The following LRP1B variants were observed in gnomAD, a reference collection of about 807,000 sequenced individuals.
The protein encoded by LRP1B is LDL receptor related protein 1B, also known as low-density lipoprotein receptor-related protein 1B.
Under a neutral mutation model 556.6 loss-of-function variants are expected in LRP1B, and 217 were observed. The ratio of observed to expected loss-of-function variants is 0.39; its 90% CI spans 0.35 to 0.44. The LOEUF is 0.44. LRP1B is among the 20% of genes least tolerant of loss of function. LRP1B has a pLI of 1.00. For missense variants in LRP1B, 5,053 were observed against 5,620.8 expected, an observed-to-expected ratio of 0.90 and a Z score of 3.23; for synonymous variants, 2,047 against 1,865.8, an observed-to-expected ratio of 1.10 and a Z score of -2.50.
intron 3 of LRP1B, among the ~76,000 whole-genome samples, chr2:141,374,324 C>T (rs1689347794): frequency 6.6e-6 from 1 of 152,140 alleles, no homozygotes; most frequent in South Asian, 2.1e-4. Flanking sequence ...TTCACTTTAA[C>T]TTTTGACATT....
intron 2 of LRP1B, among the ~76,000 whole-genome samples, chr2:141,543,518 CAAA>C (rs377085694): frequency 2.2e-5 from 2 of 91,276 alleles, no homozygotes; most frequent in Admixed American, 1.3e-4. Flanking sequence ...GACCCTGTCT[CAAA>C]AAAAAAAAAA....
chr2:141,077,079 T>C (rs1043111985), intron 7 of LRP1B, among the ~76,000 whole-genome samples: 1 of 152,040 alleles, frequency 6.6e-6, no homozygotes, highest in Non-Finnish European at 1.5e-5. Context: ...ACCCCGGCTT[T>C]ACTAAAAATA....
intron 29 of LRP1B, among the ~76,000 whole-genome samples, chr2:140,849,413 A>AC (rs1692386244): frequency 3.1e-5 from 1 of 32,740 alleles, no homozygotes; most frequent in African/African-American, 5.9e-5. Flanking sequence ...CAAAATCCAA[A>AC]AAAAAAAAAA....
intron 2 of LRP1B, among the ~76,000 whole-genome samples, chr2:141,632,840 G>C (rs1688960857): frequency 7.2e-6 from 1 of 138,716 alleles, no homozygotes; most frequent in African/African-American, 2.7e-5. Context: ...ACTACTATGA[G>C]AATGTATTGT....
At chr2:140,728,930 T>G in intron 35 of LRP1B, among the ~76,000 whole-genome samples, 1 of 152,174 alleles carries the variant, frequency 6.6e-6, no homozygotes, top group South Asian at 2.1e-4. Context: ...ATACCTAGCA[T>G]TTAATAAGCA....
chr2:140,549,553 G>A (rs1399722599), intron 43 of LRP1B, among the ~76,000 whole-genome samples: 3 of 152,174 alleles, frequency 2.0e-5, no homozygotes, highest in African/African-American at 4.8e-5. Context: ...AAGAAAAGCA[G>A]TAATGGAAAG....
chr2:141,863,434 A>G (rs1698314019), intron 1 of LRP1B, among the ~76,000 whole-genome samples: 1 of 152,226 alleles, frequency 6.6e-6, no homozygotes, highest in African/African-American at 2.4e-5. Context: ...CTTTACCTAG[A>G]GTAGTCAGGA....
At chr2:141,073,407 T>A (rs1211202723) in intron 7 of LRP1B, among the ~76,000 whole-genome samples, 2 of 152,074 alleles carry the variant, frequency 1.3e-5, no homozygotes, top group Non-Finnish European at 2.9e-5. Context: ...GGCTTGTTTT[T>A]CCTCAGTTAC....
intron 47 of LRP1B, among the ~76,000 whole-genome samples, chr2:140,529,947 T>TA (rs1334102438): frequency 2.6e-5 from 4 of 151,678 alleles, no homozygotes; most frequent in South Asian, 2.1e-4. Context: ...GGCAGTAAAT[T>TA]AAAAAAAATG....
chr2:141,557,855 A>G (rs973229485), intron 2 of LRP1B, among the ~76,000 whole-genome samples: 1 of 151,912 alleles, frequency 6.6e-6, no homozygotes, highest in Non-Finnish European at 1.5e-5. Flanking sequence ...AGGGACCTAC[A>G]TGTGGGTACC....
chr2:141,538,766 G>C (rs112373617), intron 2 of LRP1B, among the ~76,000 whole-genome samples: 1 of 151,750 alleles, frequency 6.6e-6, no homozygotes, highest in East Asian at 2.0e-4. Context: ...AGCCTCCCAA[G>C]TAGCTGGGAT....
chr2:141,856,566 C>G (rs1220698002), intron 1 of LRP1B, among the ~76,000 whole-genome samples: 1 of 152,254 alleles, frequency 6.6e-6, no homozygotes, highest in African/African-American at 2.4e-5. Flanking sequence ...CCTGAGAAAA[C>G]CCAGTTATCC....
intron 23 of LRP1B, among the ~76,000 whole-genome samples, chr2:140,890,913 A>T (rs756143638): frequency 1.3e-5 from 2 of 152,130 alleles, no homozygotes; most frequent in African/African-American, 2.4e-5. Flanking sequence ...ACATAACTAT[A>T]TTAACATCTT....
chr2:141,494,912 G>C (rs1338699689), intron 2 of LRP1B, among the ~76,000 whole-genome samples: 5 of 151,394 alleles, frequency 3.3e-5, no homozygotes. Context: ...GCTTCTGAAT[G>C]GCCTGCAAAA....
At chr2:140,599,083 T>C (rs1192944921) in intron 42 of LRP1B, among the ~76,000 whole-genome samples, 1 of 152,104 alleles carries the variant, frequency 6.6e-6, no homozygotes, top group East Asian at 1.9e-4. Context: ...TTCCTTCAAA[T>C]GATAATTTGG....
chr2:141,429,827 G>T (rs1181826298), intron 3 of LRP1B, among the ~76,000 whole-genome samples: 1 of 152,126 alleles, frequency 6.6e-6, no homozygotes, highest in Non-Finnish European at 1.5e-5. Flanking sequence ...GATTGGTTAA[G>T]GTCTTCTTAG....
intron 5 of LRP1B, among the ~76,000 whole-genome samples, chr2:141,233,326 A>G (rs925427682): frequency 3.9e-5 from 6 of 152,164 alleles, no homozygotes; most frequent in African/African-American, 1.4e-4. Context: ...TTCATGATAG[A>G]AGAGAAAAAT....
intron 37 of LRP1B, among the ~76,000 whole-genome samples, chr2:140,704,549 C>T (rs1266028785): frequency 6.6e-6 from 1 of 152,016 alleles, no homozygotes; most frequent in Non-Finnish European, 1.5e-5. Flanking sequence ...AAATCTACAC[C>T]TTTATTAACG....
intron 86 of LRP1B, among the ~76,000 whole-genome samples, chr2:140,268,357 A>G (rs1425550017): frequency 6.6e-6 from 1 of 151,994 alleles, no homozygotes; most frequent in Non-Finnish European, 1.5e-5. Flanking sequence ...ACTTTCCTTT[A>G]CATGCCAACA....
Sources: gnomAD v4.1 joint callset for allele counts (sites outside exome capture counted in the v4.1 genomes callset) on GRCh38, gnomAD v4.1.1 for gene constraint, MANE v1.5 for transcripts, NCBI Gene and HGNC (gene_info 2026-07-23, HGNC 2026-07-21) for gene names.